M1AP: variants seen among roughly 807,000 people sequenced by gnomAD.
M1AP encodes the protein meiosis 1 arrest protein.
Under a neutral mutation model 51.2 loss-of-function variants are expected in M1AP, and 39 were observed. The observed-to-expected ratio is 0.76, with a 90% CI of 0.59 to 1.00. M1AP has a LOEUF of 1.00. Ranked by LOEUF, M1AP falls within the 50% of genes least tolerant of loss-of-function variation. The probability of loss-of-function intolerance (pLI) is 0.00; values close to 1 mark genes in which losing one functional copy is unlikely to be tolerated. For synonymous variants in M1AP, 251 were observed against 249.2 expected (o/e 1.01, Z -0.07); for missense variants, 545 against 641.2 (o/e 0.85, Z 1.62).
intron 8 of M1AP, 128 bp downstream of exon 8, chr2:74,562,089 T>G: frequency 6.9e-7 from 1 of 1,448,228 alleles, no homozygotes; most frequent in Non-Finnish European, 9.1e-7. Context: ...TTGCTTTCTC[T>G]TCTTACTCTC....
At chr2:74,583,983 A>T (rs1268476461) in intron 4 of M1AP, among the ~76,000 whole-genome samples, 1 of 152,192 alleles carries the variant, frequency 6.6e-6, no homozygotes, top group Non-Finnish European at 1.5e-5. Flanking sequence ...TCCATCAGAT[A>T]TATCTGACAC....
At chr2:74,607,293 T>C (rs1681071854) in intron 3 of M1AP, 70 bp from the exon 4 acceptor site, 1 of 1,476,334 alleles carries the variant, frequency 6.8e-7, no homozygotes, top group Non-Finnish European at 9.4e-7. Flanking sequence ...TAACAGTTCC[T>C]ACCCGGAGGA....
chr2:74,565,680 T>C (rs1009463183), intron 7 of M1AP, among the ~76,000 whole-genome samples: 3 of 151,742 alleles, frequency 2.0e-5, no homozygotes, highest in Non-Finnish European at 4.4e-5. Flanking sequence ...AATACAAAAA[T>C]TAGCCGGGAG....
intron 5 of M1AP, among the ~76,000 whole-genome samples, chr2:74,578,999 C>T (rs363677): frequency 0.081 from 12,333 of 152,182 alleles, 1,398 homozygotes; most frequent in African/African-American, 0.26. Flanking sequence ...GGCCTAATTT[C>T]CCCAGACCTC....
intron 7 of M1AP, among the ~76,000 whole-genome samples, chr2:74,568,097 A>C (rs946874051): frequency 2.0e-5 from 3 of 152,282 alleles, no homozygotes; most frequent in Non-Finnish European, 2.9e-5. Context: ...GCAAGTGAAG[A>C]GGCAGTGGTT....
At chr2:74,584,441 T>A (rs1679583918) in intron 4 of M1AP, among the ~76,000 whole-genome samples, 1 of 133,210 alleles carries the variant, frequency 7.5e-6, no homozygotes, top group South Asian at 2.2e-4. Context: ...AGACACTGTC[T>A]CAGTTGCAAA....
At chr2:74,566,167 C>T (rs568175532) in intron 7 of M1AP, among the ~76,000 whole-genome samples, 2 of 152,276 alleles carry the variant, frequency 1.3e-5, no homozygotes, top group African/African-American at 4.8e-5. Flanking sequence ...GGGGTAGAGG[C>T]ACCCATGAAG....
At chr2:74,627,093 G>A (rs1682442169) in intron 2 of M1AP, among the ~76,000 whole-genome samples, 2 of 152,178 alleles carry the variant, frequency 1.3e-5, no homozygotes, top group Admixed American at 6.5e-5. Flanking sequence ...ATTTGTTCAA[G>A]TCTCTTTTTG....
intron 2 of M1AP, among the ~76,000 whole-genome samples, chr2:74,626,256 A>ATTTTTTTTTTTT (rs1485849068): frequency 7.3e-6 from 1 of 136,502 alleles, no homozygotes; most frequent in African/African-American, 3.0e-5. Context: ...GCTATATTTC[A>ATTTTTTTTTTTT]GTTTTTTTTT....
At chr2:74,587,761 C>T (rs1679799457) in intron 4 of M1AP, among the ~76,000 whole-genome samples, 1 of 152,062 alleles carries the variant, frequency 6.6e-6, no homozygotes, top group Non-Finnish European at 1.5e-5. Context: ...AAACGGTGGC[C>T]CTTAGTGTTT....
intron 5 of M1AP, 192 bp from the exon 6 acceptor site, chr2:74,576,810 G>A: frequency 2.3e-6 from 3 of 1,287,172 alleles, no homozygotes; most frequent in Non-Finnish European, 3.1e-6. Context: ...AGGGAGAACA[G>A]GTCTGGAAGC....
intron 3 of M1AP, among the ~76,000 whole-genome samples, chr2:74,610,727 C>T (rs748417702): frequency 1.3e-4 from 20 of 151,954 alleles, no homozygotes; most frequent in Non-Finnish European, 2.6e-4. Flanking sequence ...GGATTACAGG[C>T]GTGAGCTACT....
chr2:74,592,678 T>C (rs1013863989), intron 4 of M1AP, among the ~76,000 whole-genome samples: 3 of 152,210 alleles, frequency 2.0e-5, no homozygotes, highest in Non-Finnish European at 4.4e-5. Flanking sequence ...AAATAAATCT[T>C]TCTTTATTGT....
At chr2:74,640,848 CAA>C (rs1055616143) in intron 1 of M1AP, among the ~76,000 whole-genome samples, 2 of 152,166 alleles carry the variant, frequency 1.3e-5, no homozygotes, top group Non-Finnish European at 2.9e-5. Flanking sequence ...TGGAACTAAT[CAA>C]AAGTTACACC....
intron 4 of M1AP, among the ~76,000 whole-genome samples, chr2:74,590,647 A>G (rs998792344): frequency 2.0e-5 from 3 of 152,190 alleles, no homozygotes; most frequent in Admixed American, 2.0e-4. Context: ...CTAAGAGGGC[A>G]GAAGTGGGGA....
intron 4 of M1AP, among the ~76,000 whole-genome samples, chr2:74,597,655 G>A (rs969070743): frequency 1.3e-5 from 2 of 152,170 alleles, no homozygotes; most frequent in East Asian, 1.9e-4. Flanking sequence ...GATGGTTTGC[G>A]AGCACTTAGA....
At chr2:74,605,294 A>C (rs1680905912) in intron 4 of M1AP, among the ~76,000 whole-genome samples, 1 of 152,246 alleles carries the variant, frequency 6.6e-6, no homozygotes, top group Admixed American at 6.5e-5. Flanking sequence ...AGGGAAGGCT[A>C]CATAATTTGT....
At chr2:74,621,508 G>A (rs1412198210) in intron 2 of M1AP, among the ~76,000 whole-genome samples, 1 of 152,008 alleles carries the variant, frequency 6.6e-6, no homozygotes, top group East Asian at 1.9e-4. Context: ...AATATTGGCC[G>A]GGCGCGGTGG....
intron 7 of M1AP, among the ~76,000 whole-genome samples, chr2:74,567,989 T>G (rs908872268): frequency 2.0e-5 from 3 of 152,258 alleles, no homozygotes; most frequent in Admixed American, 2.0e-4. Flanking sequence ...TGTGATTGAC[T>G]AAGGCTTAGA....
Sources: gnomAD v4.1 joint callset for allele counts (sites outside exome capture counted in the v4.1 genomes callset) on GRCh38, gnomAD v4.1.1 for gene constraint, MANE v1.5 for transcripts, NCBI Gene and HGNC (gene_info 2026-07-23, HGNC 2026-07-21) for gene names.